The following XKR9 variants were observed in gnomAD, a reference collection of about 807,000 sequenced individuals.
XKR9 encodes XK-related protein 9.
Under a neutral mutation model 32.0 loss-of-function variants are expected in XKR9, and 32 were observed. The observed-to-expected ratio is 1.00, with a 90% CI of 0.76 to 1.34. XKR9 has a LOEUF of 1.34. Among genes scored for constraint, XKR9 ranks in the 40% most tolerant of loss-of-function variants. The pLI, the probability that XKR9 is intolerant of heterozygous loss-of-function variation, is 0.00. For synonymous variants in XKR9, 168 were observed against 143.4 expected (o/e 1.17, Z -1.22); for missense variants, 546 against 429.7 (o/e 1.27, Z -2.39).
chr8:70,808,210 T>C, the XKR9 span, among the ~76,000 whole-genome samples: 2 of 152,118 alleles, frequency 1.3e-5, no homozygotes, highest in African/African-American at 4.8e-5. Context: ...AGAAGTTTTT[T>C]GAAACCAATG....
the XKR9 span, among the ~76,000 whole-genome samples, chr8:70,963,609 C>G: frequency 7.9e-5 from 12 of 152,350 alleles, no homozygotes; most frequent in East Asian, 2.3e-3. Context: ...TTCTATTTCT[C>G]CACAACCTCA....
At chr8:70,808,517 C>A in the XKR9 span, among the ~76,000 whole-genome samples, 1 of 152,140 alleles carries the variant, frequency 6.6e-6, no homozygotes, top group Admixed American at 6.5e-5. Context: ...ACCCAGGAAG[C>A]ACAAGGGGTC....
chr8:70,675,572 G>A (rs570454268), intron 2 of XKR9, among the ~76,000 whole-genome samples: 23 of 152,304 alleles, frequency 1.5e-4, no homozygotes, highest in Non-Finnish European at 2.8e-4. Flanking sequence ...GGCATAGGTT[G>A]TTAGAAGCAG....
intron 2 of XKR9, among the ~76,000 whole-genome samples, chr8:70,776,881 T>G (rs1166832966): frequency 6.7e-6 from 1 of 149,658 alleles, no homozygotes; most frequent in Non-Finnish European, 1.5e-5. Flanking sequence ...TACATTCTTC[T>G]TATCAACACA....
At chr8:70,917,234 C>A in the XKR9 span, among the ~76,000 whole-genome samples, 2 of 152,114 alleles carry the variant, frequency 1.3e-5, no homozygotes, top group Non-Finnish European at 2.9e-5. Context: ...CAAATAATAC[C>A]TTTTCTGAAA....
intron 2 of XKR9, among the ~76,000 whole-genome samples, chr8:70,766,954 A>G (rs1807384916): frequency 3.3e-5 from 5 of 152,186 alleles, no homozygotes; most frequent in Admixed American, 3.3e-4. Context: ...AACCAACTTG[A>G]TTGTGGTGGA....
the XKR9 span, among the ~76,000 whole-genome samples, chr8:70,921,018 A>G: frequency 6.6e-6 from 1 of 152,190 alleles, no homozygotes; most frequent in African/African-American, 2.4e-5. Flanking sequence ...ACACACCAGG[A>G]TTTCATTCCA....
At chr8:70,897,916 G>T in the XKR9 span, among the ~76,000 whole-genome samples, 1 of 152,094 alleles carries the variant, frequency 6.6e-6, no homozygotes, top group Admixed American at 6.5e-5. Flanking sequence ...AACCAAATGG[G>T]ATATTACTCA....
the XKR9 span, among the ~76,000 whole-genome samples, chr8:70,976,532 T>G: frequency 1.3e-5 from 2 of 152,216 alleles, no homozygotes; most frequent in African/African-American, 4.8e-5. Context: ...TTGATTTGCA[T>G]ATGTTGAAAC....
the XKR9 span, among the ~76,000 whole-genome samples, chr8:70,974,410 A>C: frequency 6.6e-6 from 1 of 152,042 alleles, no homozygotes; most frequent in Admixed American, 6.6e-5. Context: ...ACCCCATGAC[A>C]GGCCCCGGTG....
At chr8:70,804,666 G>A in the XKR9 span, among the ~76,000 whole-genome samples, 1 of 152,108 alleles carries the variant, frequency 6.6e-6, no homozygotes, top group Non-Finnish European at 1.5e-5. Flanking sequence ...CTAAAAAATG[G>A]TTTTATACTG....
chr8:70,893,845 G>A, the XKR9 span, among the ~76,000 whole-genome samples: 1 of 152,086 alleles, frequency 6.6e-6, no homozygotes, highest in Non-Finnish European at 1.5e-5. Flanking sequence ...GGTGCTCAGA[G>A]TACCTACAGG....
chr8:70,904,488 T>C, the XKR9 span, among the ~76,000 whole-genome samples: 1 of 152,150 alleles, frequency 6.6e-6, no homozygotes. Context: ...TCTTCCTCCA[T>C]CCCTTTATTT....
the XKR9 span, among the ~76,000 whole-genome samples, chr8:70,886,516 A>C: frequency 5.9e-5 from 9 of 152,364 alleles, no homozygotes; most frequent in South Asian, 1.9e-3. Context: ...ACAGTGTAAA[A>C]GAGTTCCTAT....
the XKR9 span, among the ~76,000 whole-genome samples, chr8:70,935,263 A>G: frequency 6.6e-6 from 1 of 150,738 alleles, no homozygotes; most frequent in East Asian, 1.9e-4. Flanking sequence ...ATATTATTAC[A>G]TATATTTATC....
chr8:70,878,071 G>C, the XKR9 span, among the ~76,000 whole-genome samples: 1 of 152,104 alleles, frequency 6.6e-6, no homozygotes, highest in Non-Finnish European at 1.5e-5. Context: ...AGCTTCATAA[G>C]TGCAGGAGAA....
the XKR9 span, among the ~76,000 whole-genome samples, chr8:71,030,318 G>A: frequency 6.6e-6 from 1 of 152,210 alleles, no homozygotes; most frequent in East Asian, 1.9e-4. Context: ...AGTTCACAGT[G>A]TAAATTTTCT....
intron 2 of XKR9, chr8:70,780,821 A>G (rs768608648): frequency 6.6e-6 from 1 of 152,122 alleles, no homozygotes; most frequent in Non-Finnish European, 1.5e-5. Flanking sequence ...TGCCTGCATC[A>G]TATTATAGTC....
the XKR9 span, among the ~76,000 whole-genome samples, chr8:70,998,845 G>T: frequency 6.6e-6 from 1 of 152,186 alleles, no homozygotes; most frequent in Non-Finnish European, 1.5e-5. Flanking sequence ...CAGTCCCCGT[G>T]TTACACAGTT....
Sources: allele counts gnomAD v4.1 joint callset (sites outside exome capture counted in the v4.1 genomes callset), GRCh38; gene constraint gnomAD v4.1.1; transcripts MANE v1.5; gene names NCBI Gene and HGNC (gene_info 2026-07-23, HGNC 2026-07-21).